Variants in PATJ observed in about 807,000 individuals in gnomAD.
PATJ encodes the protein PATJ crumbs cell polarity complex component.
A neutral mutation model predicts 224.9 loss-of-function variants in PATJ; 190 were observed. The observed-to-expected ratio is 0.84, with a 90% CI of 0.75 to 0.95. The LOEUF is 0.95. Ranked by LOEUF, PATJ falls within the 40% of genes least tolerant of loss-of-function variation. The pLI is 0.00. For missense variants in PATJ, 2,121 were observed against 2,270.3 expected (o/e 0.93, Z 1.34); for synonymous variants, 769 against 820.3 (o/e 0.94, Z 1.07).
At chr1:61,795,646 T>G in intron 10 of PATJ, 88 bp downstream of exon 10, 1 of 657,308 alleles carries the variant, frequency 1.5e-6, no homozygotes, top group Non-Finnish European at 2.6e-6. Flanking sequence ...GGGAATAGCT[T>G]AATATAGTTT....
At chr1:61,851,900 T>G (rs1487859214) in intron 17 of PATJ, among the ~76,000 whole-genome samples, 1 of 151,946 alleles carries the variant, frequency 6.6e-6, no homozygotes, top group Admixed American at 6.6e-5. Context: ...AGGGAATGCT[T>G]GAGTATATGC....
At chr1:62,075,918 A>C (rs1339771498) in intron 31 of PATJ, among the ~76,000 whole-genome samples, 1 of 129,014 alleles carries the variant, frequency 7.8e-6, no homozygotes, top group South Asian at 2.8e-4. Context: ...ACTCCGTCTC[A>C]AAAAAAAAAA....
chr1:62,014,744 G>A (rs1354586860), intron 28 of PATJ, among the ~76,000 whole-genome samples: 5 of 150,794 alleles, frequency 3.3e-5, no homozygotes, highest in African/African-American at 1.2e-4. Context: ...TTTTTATATT[G>A]TTTGTCAAGA....
intron 27 of PATJ, among the ~76,000 whole-genome samples, chr1:61,952,593 C>T (rs1032523786): frequency 3.3e-5 from 5 of 152,140 alleles, no homozygotes; most frequent in Non-Finnish European, 7.3e-5. Flanking sequence ...GAAACAAACC[C>T]CTGCAATTTT....
chr1:62,050,013 G>A (rs947342642), intron 30 of PATJ, among the ~76,000 whole-genome samples: 7 of 151,702 alleles, frequency 4.6e-5, no homozygotes, highest in African/African-American at 1.7e-4. Flanking sequence ...CTACTCAGGA[G>A]GCTGAGGCAC....
Position 61,810,523 on chromosome 1 carries a change from C to T in PATJ, c.1683+1993C>T, listed in dbSNP as rs111570469. Among the ~76,000 whole-genome samples, 78 of 151,882 alleles carry T rather than the reference C, an allele frequency of 5.1e-4. 1 individual carries two copies. Among genetic ancestry groups the T allele is most frequent in the African/African-American group, 1.8e-3 (73 of 41,412 alleles). ...ACCAGCCTGGCCAACATAGTGAAAC[C>T]CTGTCTCTACTAGAAATACAAAACT... On this transcript the variant is annotated intron_variant, in intron 14 of 43. Coordinates refer to ENST00000642238, the MANE Select transcript of PATJ (RefSeq NM_001350145.3).
intron 27 of PATJ, among the ~76,000 whole-genome samples, chr1:61,969,460 A>G (rs898318548): frequency 2.6e-5 from 4 of 151,776 alleles, no homozygotes; most frequent in African/African-American, 9.7e-5. Context: ...TTTGATTTGC[A>G]TTTTTCTCGT....
At chr1:62,128,513 C>T (rs1243685861) in intron 40 of PATJ, 2 of 291,860 alleles carry the variant, frequency 6.9e-6, no homozygotes, top group African/African-American at 4.3e-5. Flanking sequence ...TTGGCTTCCT[C>T]ATTAGAACTT....
At chr1:62,118,077 T>TA (rs1570674917) in intron 37 of PATJ, among the ~76,000 whole-genome samples, 2 of 152,188 alleles carry the variant, frequency 1.3e-5, no homozygotes, top group African/African-American at 4.8e-5. Flanking sequence ...TCACTGGTGT[T>TA]AAAAAATGAG....
In PATJ at chr1:61,774,530, G is replaced by A. The variant is rs1570409464; in HGVS notation, c.721-676G>A. Among the ~76,000 whole-genome samples, 6 of 152,006 alleles carry A rather than the reference G, an allele frequency of 3.9e-5. No homozygotes were observed. In the South Asian group the frequency reaches 1.2e-3, roughly 32 times the overall value. On this transcript the variant is annotated intron_variant, in intron 6 of 43. Coordinates refer to ENST00000642238, the MANE Select transcript of PATJ (RefSeq NM_001350145.3). Reference sequence around the variant, plus strand: ...CTCCACTTCGTCTATAGGACACTTCGTGTCCTACCACCATTAGATTCTTCA... The same window carrying A: ...CTCCACTTCGTCTATAGGACACTTCATGTCCTACCACCATTAGATTCTTCA...
chr1:62,027,628 C>CTTTTTTTTTTTTTTTT, intron 29 of PATJ, among the ~76,000 whole-genome samples: 1 of 109,840 alleles, frequency 9.1e-6, no homozygotes, highest in South Asian at 3.1e-4. Flanking sequence ...GCCAACATTC[C>CTTTTTTTTTTTTTTTT]TTTTTTTTTT....
chr1:61,806,592 C>G (rs1382697778), intron 13 of PATJ, among the ~76,000 whole-genome samples: 1 of 147,934 alleles, frequency 6.8e-6, no homozygotes, highest in African/African-American at 2.5e-5. Flanking sequence ...GCACTCCAGG[C>G]TGGGTGACAG....
chr1:62,031,432 G>C lies in PATJ; in HGVS notation c.3960-6545G>C, dbSNP rs572601595. On this transcript the variant is annotated intron_variant, in intron 29 of 43. Coordinates refer to ENST00000642238, the MANE Select transcript of PATJ (RefSeq NM_001350145.3). The stretch of plus-strand genomic sequence containing the variant: ...TTATAGTCATTATATCTCTATAAGG[G>C]ATAGGTAATATGTTAATAGATAAAA... 3.3e-5 allele frequency among the ~76,000 whole-genome samples: 5 copies of C among 152,302 alleles called. No homozygotes were observed. In the East Asian group the frequency reaches 9.7e-4, roughly 29 times the overall value.
At chr1:62,154,639 C>T in intron 43 of PATJ, among the ~76,000 whole-genome samples, 1 of 99,446 alleles carries the variant, frequency 1.0e-5, no homozygotes, top group Non-Finnish European at 1.9e-5. Context: ...CCAGCCTGGG[C>T]AATCCATCTC....
chr1:61,959,434 C>CT (rs1367332894), intron 27 of PATJ, among the ~76,000 whole-genome samples: 60 of 115,940 alleles, frequency 5.2e-4, no homozygotes, highest in African/African-American at 1.9e-3. Flanking sequence ...TATTTTTTTT[C>CT]TTTTCTTTTT....
chr1:61,743,106 T>G (rs1644846479), intron 1 of PATJ, among the ~76,000 whole-genome samples: 1 of 152,168 alleles, frequency 6.6e-6, no homozygotes, highest in Non-Finnish European at 1.5e-5. Context: ...AGGGGGCGAC[T>G]TGGGCCCGGC....
intron 1 of PATJ, among the ~76,000 whole-genome samples, chr1:61,745,109 T>A (rs1179108748): frequency 6.6e-6 from 1 of 152,058 alleles, no homozygotes; most frequent in Non-Finnish European, 1.5e-5. Context: ...TGAGTAGACA[T>A]AATTGAAGCA....
At chr1:62,144,095 G>A (rs1423030039) in intron 41 of PATJ, among the ~76,000 whole-genome samples, 3 of 152,276 alleles carry the variant, frequency 2.0e-5, no homozygotes, top group South Asian at 2.1e-4. Flanking sequence ...GAGACTTTTC[G>A]GGGCAGGGAG....
chr1:61,846,615 G>T (rs1416171737), intron 17 of PATJ, among the ~76,000 whole-genome samples: 1 of 152,002 alleles, frequency 6.6e-6, no homozygotes, highest in South Asian at 2.1e-4. Flanking sequence ...GTTATTTTTT[G>T]AGAGGGATTC....
Sources: gnomAD v4.1 joint callset for allele counts (sites outside exome capture counted in the v4.1 genomes callset) on GRCh38, gnomAD v4.1.1 for gene constraint, MANE v1.5 for transcripts, NCBI Gene and HGNC (gene_info 2026-07-23, HGNC 2026-07-21) for gene names.